The following TMEM201 variants were observed in gnomAD, a reference collection of about 807,000 sequenced individuals.
The protein encoded by TMEM201 is RP13-15M17.2.
A neutral mutation model predicts 63.4 loss-of-function variants in TMEM201; 26 were observed. The observed-to-expected ratio is 0.41, with a 90% CI of 0.30 to 0.57. The LOEUF is 0.57. Among genes scored for constraint, TMEM201 ranks in the 20% least tolerant of loss-of-function variants. The pLI is 0.29. For missense variants in TMEM201, 794 were observed against 917.7 expected, an observed-to-expected ratio of 0.87 and a Z score of 1.74; for synonymous variants, 417 against 421.6, an observed-to-expected ratio of 0.99 and a Z score of 0.14.
chr1:9,602,618 G>T (rs1207740690), intron 6 of TMEM201: 1 of 1,213,474 alleles, frequency 8.2e-7, no homozygotes, highest in African/African-American at 1.5e-5. Context: ...GCAGCTCCAG[G>T]CACCCCCCTC....
In TMEM201 at chr1:9,605,661, C is replaced by T. The variant is rs115123689; in HGVS notation, c.1161-1896C>T. ...GTGAGGGAGTCAAACTGCGAAGGAACTCCCCACAGCACCATCTTCAGTGGC... is the reference window on the plus strand; with the variant it reads ...GTGAGGGAGTCAAACTGCGAAGGAATTCCCCACAGCACCATCTTCAGTGGC... On this transcript the variant is annotated intron_variant, in intron 6 of 10. Transcript: ENST00000340381. This position sits in a 1 kb window ranked among gnomAD's most constrained non-coding sequence, Gnocchi z 5.7. Among the ~76,000 whole-genome samples, 20 of 152,350 alleles carry T rather than the reference C, an allele frequency of 1.3e-4. No homozygotes were observed. Among genetic ancestry groups the T allele is most frequent in the African/African-American group, 4.8e-4 (20 of 41,586 alleles).
chr1:9,613,388 C>T lies in TMEM201; in HGVS notation c.*305C>T. The T allele has an allele frequency of 2.1e-6, 1 of 475,130 alleles. No individual in the cohort carries two copies. Among genetic ancestry groups the T allele is most frequent in the South Asian group, 2.6e-5 (1 of 38,360 alleles). 29.4% of individuals were successfully genotyped at this position (475,130 alleles called of 1,614,324 possible). On this transcript the variant is annotated 3_prime_UTR_variant, in exon 11 of 11. Transcript: ENST00000340381. ...AGGGGCTGCATGACCCTGGGGTGCC[C>T]CACACAGTTCAGCCCTGCCTGGCAG...
In TMEM201 at chr1:9,601,209, C is replaced by T. The variant is rs142026474; in HGVS notation, c.711C>T (p.Ser237=). 5.9e-5 allele frequency: 95 copies of T among 1,612,206 alleles called. No homozygotes were observed. Among genetic ancestry groups the T allele is most frequent in the Middle Eastern group, 3.3e-4 (2 of 6,082 alleles). The change falls in exon 5 of 11, where the codon AGC becomes AGT. Residue 237 remains serine (S), a synonymous_variant. Coordinates refer to ENST00000340381, the MANE Select transcript of TMEM201 (RefSeq NM_001130924.3). ...FLLTTALYGA[S]GHFAPGTTVP... is the part of the protein sequence containing the mutation. ...TGACCACCGCGCTGTATGGGGCCAGCGGACACTTCGCCCCAGGCACCACTG... is the reference window on the plus strand; with the variant it reads ...TGACCACCGCGCTGTATGGGGCCAGTGGACACTTCGCCCCAGGCACCACTG...
intron 1 of TMEM201, among the ~76,000 whole-genome samples, chr1:9,593,771 G>T (rs1013996729): frequency 1.3e-5 from 2 of 152,184 alleles, no homozygotes. Context: ...GGGGCCTTCC[G>T]TGGGGATAGG....
Position 9,609,844 on chromosome 1 carries a change from C to T in TMEM201, c.1398C>T (p.Ser466=), listed in dbSNP as rs965925454. ...CCCGCTTCTCTCTGTCTCCAGACTCCGGCTATCTGTTCAGCGGTAGCCGCC... is the reference window on the plus strand; with the variant it reads ...CCCGCTTCTCTCTGTCTCCAGACTCTGGCTATCTGTTCAGCGGTAGCCGCC... The part of the protein sequence containing the change: ...GTIPSLTRAD[S]GYLFSGSRPP... The change falls in exon 8 of 11, where the codon TCC becomes TCT. Residue 466 remains serine (S), a synonymous_variant. Coordinates refer to ENST00000340381, the MANE Select transcript of TMEM201 (RefSeq NM_001130924.3). 41 of 1,551,238 alleles carry T rather than the reference C, an allele frequency of 2.6e-5. No individual in the cohort carries two copies. In the African/African-American group the frequency reaches 4.0e-4, roughly 15 times the overall value.
In TMEM201 at chr1:9,608,808, G is replaced by GT. The variant is rs1557561808; in HGVS notation, c.1393+1020dup. On this transcript the variant is annotated intron_variant, in intron 7 of 10. Coordinates refer to ENST00000340381, the MANE Select transcript of TMEM201 (RefSeq NM_001130924.3). This position sits in a 1 kb window ranked among gnomAD's most constrained non-coding sequence, Gnocchi z 4.3. Reference sequence around the variant, plus strand: ...TGTTAAGGCTCAAGGCAGGGACACAGTAGCGACCTGTCTGAGGTAGCAGCA... The same window carrying GT: ...TGTTAAGGCTCAAGGCAGGGACACAGTTAGCGACCTGTCTGAGGTAGCAGCA... Among the ~76,000 whole-genome samples the GT allele has an allele frequency of 6.6e-6, 1 of 152,222 alleles. No homozygotes were observed. The highest frequency in any genetic ancestry group is 2.4e-5 in the African/African-American group (1 of 41,472).
At chr1:9,592,547 T>C (rs1643938594) in intron 1 of TMEM201, among the ~76,000 whole-genome samples, 1 of 152,146 alleles carries the variant, frequency 6.6e-6, no homozygotes, top group South Asian at 2.1e-4. Flanking sequence ...TTTCCTAGGC[T>C]GAGGACCCAG....
At chr1:9,596,537 TAGA>T (rs1644023207) in intron 2 of TMEM201, among the ~76,000 whole-genome samples, 3 of 152,308 alleles carry the variant, frequency 2.0e-5, no homozygotes, top group South Asian at 4.1e-4. Context: ...TCCCCTGGAC[TAGA>T]CCAGGGTTTG....
chr1:9,591,937 A>G (rs564710604), intron 1 of TMEM201, among the ~76,000 whole-genome samples: 2 of 152,188 alleles, frequency 1.3e-5, no homozygotes, highest in African/African-American at 2.4e-5. Context: ...GTCCTGTGGT[A>G]TCTGTCACCA....
intron 1 of TMEM201, among the ~76,000 whole-genome samples, chr1:9,590,877 G>A (rs1643908038): frequency 6.6e-6 from 1 of 152,240 alleles, no homozygotes. Flanking sequence ...CTGTGACAGT[G>A]AGGAACCAAG....
In TMEM201 at chr1:9,604,021, C is replaced by T. The variant is rs1644197315; in HGVS notation, c.1160+1749C>T. 14 of 985,334 alleles carry T rather than the reference C, an allele frequency of 1.4e-5. No homozygotes were observed. Among genetic ancestry groups the T allele is most frequent in the Non-Finnish European group, 1.6e-5 (13 of 829,968 alleles). The allele number at this position is 985,334 out of a possible 1,614,324, so 61.0% of individuals were successfully genotyped here. ...GGTGTCTACCTGAGGGGCAGGGAACCGCCTGCCTGTGCACTCACGCCACCC... is the reference window on the plus strand; with the variant it reads ...GGTGTCTACCTGAGGGGCAGGGAACTGCCTGCCTGTGCACTCACGCCACCC... On this transcript the variant is annotated intron_variant, in intron 6 of 10. Transcript: ENST00000340381. This position sits in a 1 kb window ranked among gnomAD's most constrained non-coding sequence, Gnocchi z 4.1.
In TMEM201 at chr1:9,602,185, G is replaced by A; in HGVS notation, c.1073G>A (p.Ser358Asn). 2 of 1,613,220 alleles carry A rather than the reference G, an allele frequency of 1.2e-6. No homozygotes were observed. Among genetic ancestry groups the A allele is most frequent in the Non-Finnish European group, 1.7e-6 (2 of 1,180,016 alleles). ...SPSWLDTLKF[S>N]TTSLCCLVGF... ...AGCTGGCTAGACACGCTCAAGTTCA[G>A]CACCACATCTTTGTGCTGCCTGGTT... The change falls in exon 6 of 11, where the codon AGC (serine) becomes AAC (asparagine). Residue 358 changes from serine (S) to asparagine (N), a missense_variant. Coordinates refer to ENST00000340381, the MANE Select transcript of TMEM201 (RefSeq NM_001130924.3).
At chr1:9,599,715 C>T (rs1056412796) in intron 4 of TMEM201, among the ~76,000 whole-genome samples, 5 of 152,088 alleles carry the variant, frequency 3.3e-5, no homozygotes, top group African/African-American at 7.2e-5. Context: ...CTCCGCCTCC[C>T]GGGTTCACGC....
intron 1 of TMEM201, among the ~76,000 whole-genome samples, chr1:9,594,589 T>C (rs1643980784): frequency 6.6e-6 from 1 of 152,202 alleles, no homozygotes; most frequent in Admixed American, 6.5e-5. Context: ...TCTCCCTTCA[T>C]ATGCCCCTGG....
At chr1:9,593,873 C>A (rs1394181081) in intron 1 of TMEM201, among the ~76,000 whole-genome samples, 2 of 152,322 alleles carry the variant, frequency 1.3e-5, no homozygotes, top group Admixed American at 1.3e-4. Flanking sequence ...TCAGGACACG[C>A]CCCCATGCAC....
Position 9,601,438 on chromosome 1 carries a change from C to A in TMEM201, c.940C>A (p.Leu314Met), listed in dbSNP as rs1473554676. The A allele has an allele frequency of 6.3e-7, 1 of 1,587,952 alleles. No individual in the cohort carries two copies. The highest frequency in any genetic ancestry group is 1.3e-5 in the African/African-American group (1 of 74,904). ...ACTCACCTGCCTGCTGGCAATGCTGCTGGCTGGCCGCATCAGGTGTGCATG... is the reference window on the plus strand; with the variant it reads ...ACTCACCTGCCTGCTGGCAATGCTGATGGCTGGCCGCATCAGGTGTGCATG... ...GLLTCLLAML[L>M]AGRIRLRRID... The change falls in exon 5 of 11, where the codon CTG (leucine) becomes ATG (methionine). Residue 314 changes from leucine to methionine, a missense_variant. Leu to Met is a conservative substitution (Grantham distance 15, BLOSUM62 2). Coordinates refer to ENST00000340381, the MANE Select transcript of TMEM201 (RefSeq NM_001130924.3).
At chr1:9,591,491 G>A (rs1345112739) in intron 1 of TMEM201, among the ~76,000 whole-genome samples, 10 of 152,346 alleles carry the variant, frequency 6.6e-5, no homozygotes, top group Non-Finnish European at 1.2e-4. Context: ...TGTCCAGGCC[G>A]TCGTGAAGTC....
rs779566592 is a variant in TMEM201, at chr1:9,595,964, A to C, written c.188A>C (p.Asn63Thr). 4 of 1,613,540 alleles carry C rather than the reference A, an allele frequency of 2.5e-6. No individual in the cohort carries two copies. The highest frequency in any genetic ancestry group is 3.4e-6 in the Non-Finnish European group (4 of 1,179,990). ...ACGCTGGTGCCCTATGGGAACCGCAACTGCTGGGACTGTCCCCACTGCGAG... is the reference window on the plus strand; with the variant it reads ...ACGCTGGTGCCCTATGGGAACCGCACCTGCTGGGACTGTCCCCACTGCGAG... ...QDTLVPYGNR[N>T]CWDCPHCEQY... The change falls in exon 2 of 11, where the codon AAC (asparagine) becomes ACC (threonine). Residue 63 changes from asparagine (N) to threonine (T), a missense_variant. Coordinates refer to ENST00000340381, the MANE Select transcript of TMEM201 (RefSeq NM_001130924.3).
chr1:9,605,150 A>G lies in TMEM201; in HGVS notation c.1161-2407A>G, dbSNP rs1229787225. 6.6e-6 allele frequency among the ~76,000 whole-genome samples: 1 copy of G among 152,112 alleles called. No individual in the cohort carries two copies. The highest frequency in any genetic ancestry group is 1.9e-4 in the East Asian group (1 of 5,198). ...TGCTGGATCATATTTTTTCCGTCTC[A>G]ATAAACTGTTGCTTAAAACGTGGTC... On this transcript the variant is annotated intron_variant, in intron 6 of 10. Transcript: ENST00000340381. The surrounding 1 kb of genome is among the most constrained non-coding windows in gnomAD (Gnocchi z 5.7).
Sources: gnomAD v4.1 joint callset for allele counts (sites outside exome capture counted in the v4.1 genomes callset) on GRCh38, gnomAD v4.1.1 for gene constraint, Gnocchi (gnomAD v3.1) non-coding constraint, MANE v1.5 for transcripts, NCBI Gene and HGNC (gene_info 2026-07-23, HGNC 2026-07-21) for gene names.